Variants in ATP8A2 observed in about 807,000 individuals in gnomAD.
ATP8A2 encodes phospholipid-transporting ATPase IB.
Under a neutral mutation model 165.6 loss-of-function variants are expected in ATP8A2, and 100 were observed. The ratio of observed to expected loss-of-function variants is 0.60; its 90% confidence interval spans 0.51 to 0.71. The LOEUF (loss-of-function observed/expected upper bound fraction) is 0.71. Ranked by LOEUF, ATP8A2 falls within the 30% of genes least tolerant of loss-of-function variation. The probability of loss-of-function intolerance (pLI) is 0.00; values close to 1 mark genes in which losing one functional copy is unlikely to be tolerated. For synonymous variants in ATP8A2, 543 were observed against 548.8 expected (o/e 0.99, Z 0.15); for missense variants, 1,227 against 1,479.5 (o/e 0.83, Z 2.80).
intron 2 of ATP8A2, among the ~76,000 whole-genome samples, chr13:25,523,442 A>G (rs2037736448): frequency 6.6e-6 from 1 of 151,964 alleles, no homozygotes; most frequent in South Asian, 2.1e-4. Flanking sequence ...CTGGCTAGGT[A>G]TTAGTTCTTC....
intron 24 of ATP8A2, among the ~76,000 whole-genome samples, chr13:25,664,204 A>T (rs2042105668): frequency 6.6e-6 from 1 of 152,190 alleles, no homozygotes; most frequent in African/African-American, 2.4e-5. Flanking sequence ...TAGAAGATGA[A>T]TAATGGCTGT....
chr13:25,884,343 G>A (rs1953075983), intron 33 of ATP8A2, among the ~76,000 whole-genome samples: 1 of 152,108 alleles, frequency 6.6e-6, no homozygotes, highest in Non-Finnish European at 1.5e-5. Context: ...ATCATGTCGG[G>A]ACCTCATTCC....
intron 24 of ATP8A2, among the ~76,000 whole-genome samples, chr13:25,647,342 A>G (rs556399434): frequency 3.9e-5 from 6 of 152,272 alleles, no homozygotes; most frequent in Non-Finnish European, 8.8e-5. Flanking sequence ...TTTCTGCCTC[A>G]TTTTGGAAAG....
intron 34 of ATP8A2, among the ~76,000 whole-genome samples, chr13:25,962,844 C>G (rs1426803986): frequency 6.6e-6 from 1 of 152,150 alleles, no homozygotes; most frequent in African/African-American, 2.4e-5. Context: ...TCTTGACAAC[C>G]GATGATACCT....
chr13:25,431,226 C>T (rs552249198), intron 1 of ATP8A2, among the ~76,000 whole-genome samples: 40 of 152,018 alleles, frequency 2.6e-4, no homozygotes, highest in Non-Finnish European at 4.4e-4. Context: ...CTCAGCTCAC[C>T]GCAACCTCCG....
intron 2 of ATP8A2, among the ~76,000 whole-genome samples, chr13:25,501,893 A>G (rs961459782): frequency 2.6e-5 from 4 of 152,238 alleles, no homozygotes; most frequent in African/African-American, 7.2e-5. Context: ...GGGTGAGTTC[A>G]GGACACAGAA....
intron 33 of ATP8A2, among the ~76,000 whole-genome samples, chr13:25,926,518 A>T (rs1954611772): frequency 6.6e-6 from 1 of 152,202 alleles, no homozygotes; most frequent in South Asian, 2.1e-4. Flanking sequence ...TCTCCCTTAT[A>T]GTCCATGGTA....
chr13:25,851,944 G>T (rs1952018955), intron 30 of ATP8A2, among the ~76,000 whole-genome samples: 1 of 152,126 alleles, frequency 6.6e-6, no homozygotes, highest in African/African-American at 2.4e-5. Context: ...TTGGGCTCAA[G>T]CAACCGTCCT....
intron 1 of ATP8A2, among the ~76,000 whole-genome samples, chr13:25,457,468 G>C (rs1000664078): frequency 1.3e-4 from 20 of 152,270 alleles, no homozygotes; most frequent in African/African-American, 4.6e-4. Flanking sequence ...TGGGCATTGA[G>C]CTGGTTGCTT....
chr13:25,847,508 G>C (rs571211509), intron 30 of ATP8A2, among the ~76,000 whole-genome samples: 2 of 152,106 alleles, frequency 1.3e-5, no homozygotes, highest in African/African-American at 4.8e-5. Context: ...TCTGTGTTGC[G>C]CGTATTTTAG....
chr13:25,990,643 G>T (rs1372902909), intron 35 of ATP8A2, among the ~76,000 whole-genome samples: 1 of 152,164 alleles, frequency 6.6e-6, no homozygotes, highest in Non-Finnish European at 1.5e-5. Flanking sequence ...TGCGTTTATT[G>T]TATGATTCTG....
chr13:25,840,012 T>G (rs1279502614), intron 30 of ATP8A2, among the ~76,000 whole-genome samples: 1 of 152,224 alleles, frequency 6.6e-6, no homozygotes, highest in Admixed American at 6.5e-5. Flanking sequence ...CCTACCCATA[T>G]GCAGAATAAC....
At chr13:25,572,205 G>A (rs1281424510) in intron 18 of ATP8A2, among the ~76,000 whole-genome samples, 1 of 152,142 alleles carries the variant, frequency 6.6e-6, no homozygotes, top group African/African-American at 2.4e-5. Flanking sequence ...TGCAATCTCG[G>A]CTCACTGCAA....
chr13:25,458,224 G>A (rs1338177371), intron 1 of ATP8A2, among the ~76,000 whole-genome samples: 2 of 152,178 alleles, frequency 1.3e-5, no homozygotes, highest in Non-Finnish European at 2.9e-5. Flanking sequence ...TTTTGTTTAC[G>A]AGGAGACTTT....
At chr13:25,835,631 G>A (rs1440061771) in intron 28 of ATP8A2, among the ~76,000 whole-genome samples, 1 of 152,052 alleles carries the variant, frequency 6.6e-6, no homozygotes, top group East Asian at 1.9e-4. Context: ...GCAGGAGAAG[G>A]ACCCTCAGGG....
intron 28 of ATP8A2, among the ~76,000 whole-genome samples, chr13:25,831,767 C>T (rs12877485): frequency 4.6e-5 from 7 of 150,874 alleles, no homozygotes; most frequent in East Asian, 2.1e-4. Context: ...TGCTTGAACC[C>T]GGGAGGCGGA....
intron 24 of ATP8A2, among the ~76,000 whole-genome samples, chr13:25,685,556 A>G (rs1322100091): frequency 1.3e-5 from 2 of 152,186 alleles, no homozygotes; most frequent in East Asian, 1.9e-4. Flanking sequence ...AGGAGTTTGC[A>G]TGGGGAAGTG....
chr13:26,012,191 G>C (rs1229636050), intron 35 of ATP8A2, among the ~76,000 whole-genome samples: 1 of 152,210 alleles, frequency 6.6e-6, no homozygotes, highest in Non-Finnish European at 1.5e-5. Flanking sequence ...CTGCAGGCAG[G>C]AGTGAGGCGC....
intron 17 of ATP8A2, 56 bp from the exon 18 acceptor site, chr13:25,571,554 C>A: frequency 2.2e-6 from 3 of 1,347,110 alleles, no homozygotes; most frequent in East Asian, 2.3e-5. Flanking sequence ...TGACACTAAA[C>A]AGAATTCTGT....
Sources: allele counts gnomAD v4.1 joint callset (sites outside exome capture counted in the v4.1 genomes callset), GRCh38; gene constraint gnomAD v4.1.1; transcripts MANE v1.5; gene names NCBI Gene and HGNC (gene_info 2026-07-23, HGNC 2026-07-21).